ADGRG5: variants seen among roughly 807,000 people sequenced by gnomAD.
ADGRG5 encodes the protein G protein-coupled receptor 114.
A neutral mutation model predicts 53.2 loss-of-function variants in ADGRG5; 37 were observed. The observed-to-expected ratio is 0.70, with a 90% CI of 0.53 to 0.91. The LOEUF (loss-of-function observed/expected upper bound fraction) is 0.91, where lower values mean the gene tolerates loss of function less well. Among genes scored for constraint, ADGRG5 ranks in the 40% least tolerant of loss-of-function variants. The pLI, the probability that ADGRG5 is intolerant of heterozygous loss-of-function variation, is 0.00. For synonymous variants in ADGRG5, 277 were observed against 290.4 expected (o/e 0.95, Z 0.47); for missense variants, 614 against 675.8 (o/e 0.91, Z 1.01).
chr16:57,568,864 A>G (rs2033235785), intron 9 of ADGRG5, among the ~76,000 whole-genome samples: 1 of 140,388 alleles, frequency 7.1e-6, no homozygotes, highest in Non-Finnish European at 1.5e-5. Context: ...CTCCACCATC[A>G]TCACCTCCAT....
chr16:57,571,292 G>A (rs1304277634), intron 10 of ADGRG5, among the ~76,000 whole-genome samples: 1 of 152,140 alleles, frequency 6.6e-6, no homozygotes, highest in Non-Finnish European at 1.5e-5. Flanking sequence ...GCCGGGTCCT[G>A]TTGCCAGCCC....
chr16:57,564,461 C>T (rs2033082273), intron 5 of ADGRG5, among the ~76,000 whole-genome samples: 1 of 152,122 alleles, frequency 6.6e-6, no homozygotes, highest in African/African-American at 2.4e-5. Flanking sequence ...GCCATCATGC[C>T]CAGCTAATTT....
chr16:57,530,494 T>G, the ADGRG5 span, among the ~76,000 whole-genome samples: 1 of 152,172 alleles, frequency 6.6e-6, no homozygotes, highest in African/African-American at 2.4e-5. Context: ...TCGGTGGGAC[T>G]CGGCACTGGC....
At chr16:57,565,398 A>AG (rs1272123593) in intron 6 of ADGRG5, 2 of 538,624 alleles carry the variant, frequency 3.7e-6, no homozygotes, top group Non-Finnish European at 6.5e-6. Flanking sequence ...ATTGGCACAC[A>AG]TCCATGAAAT....
intron 10 of ADGRG5, among the ~76,000 whole-genome samples, chr16:57,571,759 G>A (rs903269072): frequency 6.6e-6 from 1 of 150,526 alleles, no homozygotes; most frequent in African/African-American, 2.4e-5. Context: ...GGGTTCAAGC[G>A]ATTCTCCTGT....
Position 57,548,206 on chromosome 16 carries a change from T to C in ADGRG5, c.-39+5505T>C, listed in dbSNP as rs551762515. Among the ~76,000 whole-genome samples the C allele has an allele frequency of 2.0e-5, 3 of 149,544 alleles. No individual in the cohort carries two copies. In the South Asian group the frequency reaches 6.3e-4, roughly 32 times the overall value. On this transcript the variant is annotated intron_variant, in intron 1 of 11. Coordinates refer to ENST00000349457, the MANE Select transcript of ADGRG5 (RefSeq NM_001304376.3). Reference sequence around the variant, plus strand: ...TTTTTTTTTTTTTAAAGAATACACATAATTCTTAATAGTGAAATGACAATC... The same window carrying C: ...TTTTTTTTTTTTTAAAGAATACACACAATTCTTAATAGTGAAATGACAATC...
chr16:57,571,120 A>G (rs1040900872), intron 10 of ADGRG5, among the ~76,000 whole-genome samples: 5 of 152,034 alleles, frequency 3.3e-5, no homozygotes, highest in Non-Finnish European at 4.4e-5. Flanking sequence ...AACATTTCTA[A>G]TAGCCAGACA....
At position 57,565,162 on chromosome 16, in the gene ADGRG5, G is replaced by A. The variant is rs1181753514; in HGVS notation, c.546+12G>A. On this transcript the variant is annotated intron_variant, in intron 6 of 11. Transcript: ENST00000349457. ...ACAACCAAAGCCTGGTACTGCTGGG[G>A]GCGCCCCCGTTTCCACTGCACCCCT... 15 of 1,563,758 alleles carry A rather than the reference G, an allele frequency of 9.6e-6. No individual in the cohort carries two copies. Among genetic ancestry groups the A allele is most frequent in the Non-Finnish European group, 1.3e-5 (15 of 1,134,604 alleles).
the ADGRG5 span, among the ~76,000 whole-genome samples, chr16:57,533,343 C>T: frequency 2.0e-5 from 3 of 152,002 alleles, no homozygotes; most frequent in Non-Finnish European, 4.4e-5. Context: ...GCCCCCAGCA[C>T]ACCAGGAATC....
chr16:57,554,584 G>GC (rs1404514856), intron 1 of ADGRG5, among the ~76,000 whole-genome samples: 3 of 152,140 alleles, frequency 2.0e-5, no homozygotes, highest in Non-Finnish European at 4.4e-5. Context: ...CACCGTGTTA[G>GC]CCAGGATGGT....
intron 1 of ADGRG5, among the ~76,000 whole-genome samples, chr16:57,559,838 C>T (rs1262238965): frequency 1.3e-5 from 2 of 151,630 alleles, no homozygotes; most frequent in African/African-American, 2.4e-5. Context: ...AGGTGGAAAT[C>T]GAAATCATCT....
At chr16:57,529,387 C>G in the ADGRG5 span, 1 of 486,712 alleles carries the variant, frequency 2.1e-6, no homozygotes, top group Non-Finnish European at 2.9e-6. This position sits in a 1 kb window ranked among gnomAD's most constrained non-coding sequence, Gnocchi z 4.1. Context: ...TCAGCCGCGC[C>G]AAGGCCCTGG....
Position 57,572,782 on chromosome 16 carries a change from C to T in ADGRG5, c.1209-2033C>T, listed in dbSNP as rs115983712. Among the ~76,000 whole-genome samples, 1,332 of 152,364 alleles carry T rather than the reference C, an allele frequency of 8.7e-3. 23 individuals are homozygous for T. Among genetic ancestry groups the T allele is most frequent in the African/African-American group, 0.03 (1,258 of 41,584 alleles). On this transcript the variant is annotated intron_variant, in intron 10 of 11. Transcript: ENST00000349457. Reference sequence around the variant, plus strand: ...TGAATGGACTGCAGTAGAGCTGCCCCCGTGGGGATATTCCCTAGCGGTGAA... The same window carrying T: ...TGAATGGACTGCAGTAGAGCTGCCCTCGTGGGGATATTCCCTAGCGGTGAA...
At chr16:57,549,908 T>A (rs1300815661) in intron 1 of ADGRG5, among the ~76,000 whole-genome samples, 9 of 152,212 alleles carry the variant, frequency 5.9e-5, no homozygotes, top group African/African-American at 2.2e-4. Context: ...TGATATCTGA[T>A]TGTGGTTTTT....
At chr16:57,565,812 G>C (rs2033118067) in intron 6 of ADGRG5, 2 of 152,380 alleles carry the variant, frequency 1.3e-5, no homozygotes, top group African/African-American at 4.8e-5. Flanking sequence ...TGCTTGTTGG[G>C]GGTGGGGGCA....
Position 57,574,973 on chromosome 16 carries a change from C to G in ADGRG5, c.1367C>G (p.Thr456Ser). Residue 456 changes from threonine (T) to serine (S), a missense_variant, in exon 11 of 12, where the codon ACT becomes AGT. Physicochemically the swap from Thr to Ser is moderately conservative, Grantham distance 58. Coordinates refer to ENST00000349457, the MANE Select transcript of ADGRG5 (RefSeq NM_001304376.3). The surrounding 1 kb of genome is among the most constrained non-coding windows in gnomAD (Gnocchi z 4.4). ...CCAAGTGTCAGGGCCTGCCATGACA[C>G]TGTCACTGTGCTGGGCCTCACCGTG... ...DAPSVRACHD[T>S]VTVLGLTVLL... is the part of the protein sequence containing the mutation. 1 of 1,613,924 alleles carries G rather than the reference C, an allele frequency of 6.2e-7. No homozygotes were observed. The highest frequency in any genetic ancestry group is 8.5e-7 in the Non-Finnish European group (1 of 1,180,018).
intron 11 of ADGRG5, 98 bp downstream of exon 11, chr16:57,575,190 G>A: frequency 7.3e-7 from 1 of 1,361,818 alleles, no homozygotes; most frequent in Non-Finnish European, 1.0e-6. Context: ...GGGGGCGAGT[G>A]GGGGACTAAC....
intron 1 of ADGRG5, among the ~76,000 whole-genome samples, chr16:57,554,373 T>C (rs1361020536): frequency 6.6e-6 from 1 of 151,134 alleles, no homozygotes; most frequent in African/African-American, 2.5e-5. Context: ...TATAATTTTA[T>C]CTTTTTTTTT....
At chr16:57,533,518 C>A in the ADGRG5 span, among the ~76,000 whole-genome samples, 15 of 151,554 alleles carry the variant, frequency 9.9e-5, no homozygotes, top group African/African-American at 3.6e-4. Flanking sequence ...TCACACACAG[C>A]CCCAGTAATG....
Sources: gnomAD v4.1 joint callset for allele counts (sites outside exome capture counted in the v4.1 genomes callset) on GRCh38, gnomAD v4.1.1 for gene constraint, Gnocchi (gnomAD v3.1) non-coding constraint, MANE v1.5 for transcripts, NCBI Gene and HGNC (gene_info 2026-07-23, HGNC 2026-07-21) for gene names.